Variants in NBAS observed in about 807,000 individuals in gnomAD.
The protein encoded by NBAS is NBAS subunit of NRZ tethering complex.
NBAS carries 219 observed loss-of-function variants against 302.5 expected under a neutral mutation model. The ratio of observed to expected loss-of-function variants is 0.72; its 90% confidence interval spans 0.65 to 0.81. The LOEUF is 0.81. Among genes scored for constraint, NBAS ranks in the 30% least tolerant of loss-of-function variants. The probability of loss-of-function intolerance (pLI) is 0.00; values close to 1 mark genes in which losing one functional copy is unlikely to be tolerated. For missense variants in NBAS, 2,932 were observed against 2,841.6 expected, an observed-to-expected ratio of 1.03 and a Z score of -0.72; for synonymous variants, 1,118 against 1,021.6, an observed-to-expected ratio of 1.09 and a Z score of -1.80.
At chr2:15,467,270 T>C (rs762210557) in intron 19 of NBAS, 59 bp downstream of exon 19, 63 of 1,197,384 alleles carry the variant, frequency 5.3e-5, no homozygotes, top group Non-Finnish European at 7.4e-5. Flanking sequence ...AGGGCAGCCA[T>C]AGCATTTATA....
intron 44 of NBAS, among the ~76,000 whole-genome samples, chr2:15,256,502 G>GT (rs1558480039): frequency 6.6e-6 from 1 of 152,112 alleles, no homozygotes; most frequent in African/African-American, 2.4e-5. Context: ...AATAGTGGCT[G>GT]TTTGACTTCT....
chr2:14,896,529 T>A, the NBAS span, among the ~76,000 whole-genome samples: 1 of 152,120 alleles, frequency 6.6e-6, no homozygotes, highest in Non-Finnish European at 1.5e-5. Flanking sequence ...AAGCCGATCC[T>A]AAGCGCAAGG....
chr2:14,939,139 G>C, the NBAS span, among the ~76,000 whole-genome samples: 2 of 152,336 alleles, frequency 1.3e-5, no homozygotes, highest in East Asian at 1.9e-4. Context: ...AGGTGTACCA[G>C]CTGAGTGCCT....
the NBAS span, among the ~76,000 whole-genome samples, chr2:14,800,785 G>GTTTTTTTTTTTTTTT: frequency 1.5e-5 from 2 of 129,524 alleles, no homozygotes. Context: ...GATTTAAATT[G>GTTTTTTTTTTTTTTT]TTTTTGTTTT....
chr2:15,106,295 T>A, the NBAS span, among the ~76,000 whole-genome samples: 1 of 152,122 alleles, frequency 6.6e-6, no homozygotes, highest in Admixed American at 6.5e-5. Flanking sequence ...CTTAGGACAC[T>A]AGACACTAGA....
rs778823667 is a variant in NBAS, at chr2:15,374,629, C to T, written c.3682G>A (p.Val1228Ile). ...TCACCTTGCAAAGGCAGGATCTTTA[C>T]CCCAAATTCTTCAAGACATCCAACG... ...QAVGCLEEFG[V>I]KILPLQVRLC... is the part of the protein sequence containing the mutation. Residue 1228 changes from valine to isoleucine, a missense_variant, in exon 31 of 52, where the codon GTA (valine) becomes ATA (isoleucine). Transcript: ENST00000281513. The T allele has an allele frequency of 8.7e-6, 14 of 1,613,768 alleles. No individual in the cohort carries two copies. Among genetic ancestry groups the T allele is most frequent in the Non-Finnish European group, 1.1e-5 (13 of 1,179,742 alleles).
intron 23 of NBAS, among the ~76,000 whole-genome samples, 190 bp downstream of exon 23, chr2:15,424,125 A>G (rs934712316): frequency 2.6e-5 from 4 of 152,240 alleles, no homozygotes; most frequent in Non-Finnish European, 5.9e-5. Flanking sequence ...CCTGCTCTGT[A>G]AGAATCCAAA....
At position 15,424,393 on chromosome 2, in the gene NBAS, C is replaced by T. The variant is rs1558325498; in HGVS notation, c.2499G>A (p.Arg833=). 5.0e-6 allele frequency: 8 copies of T among 1,614,038 alleles called. No individual in the cohort carries two copies. In the South Asian group the frequency reaches 6.6e-5, roughly 13 times the overall value. Reference sequence around the variant, plus strand: ...CCTTCTCCACCGTAAGCTGGGTCATCCTGAACCTTAGTAACTCAGGCTGTG... The same window carrying T: ...CCTTCTCCACCGTAAGCTGGGTCATTCTGAACCTTAGTAACTCAGGCTGTG... ...YAAQPELLRF[R]MTQLTVEKVM... Residue 833 remains arginine (R), a synonymous_variant, in exon 23 of 52, where the codon AGG becomes AGA. Transcript: ENST00000281513.
chr2:15,308,078 G>T, intron 40 of NBAS, 138 bp downstream of exon 40: 3 of 1,302,606 alleles, frequency 2.3e-6, no homozygotes, highest in Non-Finnish European at 3.3e-6. Flanking sequence ...ATACAGGAAA[G>T]CCAAGAGCTG....
At chr2:15,257,102 T>C (rs540776218) in intron 44 of NBAS, among the ~76,000 whole-genome samples, 15 of 152,338 alleles carry the variant, frequency 9.8e-5, no homozygotes, top group Non-Finnish European at 1.6e-4. Context: ...CTCTATCTTT[T>C]GGAATAGTTT....
At chr2:15,262,762 C>T (rs1049338601) in intron 44 of NBAS, among the ~76,000 whole-genome samples, 7 of 152,016 alleles carry the variant, frequency 4.6e-5, no homozygotes, top group Non-Finnish European at 7.4e-5. Context: ...ATTTTTAATA[C>T]CTGGTGATCA....
the NBAS span, among the ~76,000 whole-genome samples, chr2:14,924,890 A>T: frequency 1.3e-5 from 2 of 152,182 alleles, no homozygotes; most frequent in African/African-American, 4.8e-5. Flanking sequence ...TACACCCTAC[A>T]AGAAAGTTAG....
intron 25 of NBAS, among the ~76,000 whole-genome samples, chr2:15,406,116 C>CAAGAAAAAAAAAAAAAAAA (rs1676400663): frequency 2.2e-5 from 3 of 134,526 alleles, no homozygotes; most frequent in Non-Finnish European, 4.7e-5. Context: ...AAAAAAAAAA[C>CAAGAAAAAAAAAAAAAAAA]AAAACAAAAA....
At chr2:15,131,098 G>C in the NBAS span, among the ~76,000 whole-genome samples, 1 of 152,116 alleles carries the variant, frequency 6.6e-6, no homozygotes, top group Non-Finnish European at 1.5e-5. Context: ...TCCTATACGA[G>C]GTTCTTGAAT....
intron 47 of NBAS, among the ~76,000 whole-genome samples, chr2:15,231,947 T>C (rs892395082): frequency 3.9e-5 from 6 of 152,210 alleles, no homozygotes; most frequent in African/African-American, 1.4e-4. Context: ...TTTCTAAAAA[T>C]AGCATCGGAG....
chr2:15,338,156 T>C (rs947534186), intron 35 of NBAS, among the ~76,000 whole-genome samples: 1 of 152,236 alleles, frequency 6.6e-6, no homozygotes, highest in African/African-American at 2.4e-5. Flanking sequence ...AGAATTATTG[T>C]TGGTCAACGA....
chr2:15,498,817 G>A (rs1338307809), intron 11 of NBAS, among the ~76,000 whole-genome samples: 2 of 151,498 alleles, frequency 1.3e-5, no homozygotes, highest in Admixed American at 6.6e-5. Context: ...TTCAACTTCC[G>A]CCATGATTGT....
At chr2:15,482,751 G>A (rs1320180044) in intron 12 of NBAS, among the ~76,000 whole-genome samples, 1 of 151,766 alleles carries the variant, frequency 6.6e-6, no homozygotes, top group Non-Finnish European at 1.5e-5. Context: ...TGGTCAAGAA[G>A]AGAAGGTAAA....
intron 35 of NBAS, among the ~76,000 whole-genome samples, chr2:15,341,402 GAATAAATAAATA>G (rs3085584): frequency 6.8e-6 from 1 of 148,134 alleles, no homozygotes; most frequent in South Asian, 2.1e-4. Flanking sequence ...ATAAATAAAT[GAATAAATAAATA>G]AATAAATAAA....
Sources: gnomAD v4.1 joint callset for allele counts (sites outside exome capture counted in the v4.1 genomes callset) on GRCh38, gnomAD v4.1.1 for gene constraint, MANE v1.5 for transcripts, NCBI Gene and HGNC (gene_info 2026-07-23, HGNC 2026-07-21) for gene names.